The following SPIRE2 variants were observed in gnomAD, a reference collection of about 807,000 sequenced individuals.
The protein encoded by SPIRE2 is protein spire homolog 2.
A neutral mutation model predicts 80.7 loss-of-function variants in SPIRE2; 76 were observed. The observed-to-expected ratio is 0.94, with a 90% CI of 0.78 to 1.14. The LOEUF (loss-of-function observed/expected upper bound fraction) is 1.14, where lower values mean the gene tolerates loss of function less well. SPIRE2 is among the 50% of genes most tolerant of loss of function. The probability of loss-of-function intolerance (pLI) is 0.00; values close to 1 mark genes in which losing one functional copy is unlikely to be tolerated. For missense variants in SPIRE2, 1,196 were observed against 1,015.3 expected, an observed-to-expected ratio of 1.18 and a Z score of -2.42; for synonymous variants, 535 against 432.6, an observed-to-expected ratio of 1.24 and a Z score of -2.94.
intron 12 of SPIRE2, among the ~76,000 whole-genome samples, chr16:89,866,830 C>T (rs756174263): frequency 2.0e-5 from 3 of 151,472 alleles, no homozygotes; most frequent in Non-Finnish European, 2.9e-5. Flanking sequence ...AGGATGGTCT[C>T]GATCTCCTGA....
chr16:89,850,739 G>A, intron 3 of SPIRE2, 79 bp downstream of exon 3: 2 of 1,093,282 alleles, frequency 1.8e-6, no homozygotes, highest in South Asian at 3.4e-5. Flanking sequence ...GACTGGCAAG[G>A]ACGTCTCTTC....
In SPIRE2 at chr16:89,829,027, C is replaced by T. The variant is rs545626251; in HGVS notation, c.244+233C>T. Among the ~76,000 whole-genome samples, 80 of 152,312 alleles carry T rather than the reference C, an allele frequency of 5.3e-4. 1 individual carries two copies. In the East Asian group the frequency reaches 0.015, roughly 28 times the overall value. Reference sequence around the variant, plus strand: ...CCTCCCCGGCCCTGGACGTTCCCCTCCCGGACCCCCCCACCTGACGCCTCT... The same window carrying T: ...CCTCCCCGGCCCTGGACGTTCCCCTTCCGGACCCCCCCACCTGACGCCTCT... On this transcript the variant is annotated intron_variant, in intron 1 of 14. Transcript: ENST00000378247.
At chr16:89,844,330 G>A (rs2041536438) in intron 1 of SPIRE2, among the ~76,000 whole-genome samples, 1 of 151,934 alleles carries the variant, frequency 6.6e-6, no homozygotes, top group African/African-American at 2.4e-5. Flanking sequence ...CACTATGCCT[G>A]GCTCATTTTT....
intron 1 of SPIRE2, among the ~76,000 whole-genome samples, chr16:89,843,979 G>T (rs1055844466): frequency 2.7e-4 from 40 of 148,774 alleles, no homozygotes; most frequent in African/African-American, 9.7e-4. Flanking sequence ...GAGATTACAG[G>T]CATGAGCTGC....
chr16:89,869,596 C>T lies in SPIRE2; in HGVS notation c.1836C>T (p.His612=), dbSNP rs766464960. ...AGATGCCTTCTAAGAAATTTGGACA[C>T]ATCCCTGTCTACACACTGGGCTTTG... is the stretch of plus-strand genomic sequence containing the variant. ...KMKMPSKKFG[H]IPVYTLGFES... is the part of the protein sequence containing the mutation. Residue 612 remains histidine, a synonymous_variant, in exon 14 of 15, where the codon CAC becomes CAT. Coordinates refer to ENST00000378247, the MANE Select transcript of SPIRE2 (RefSeq NM_032451.2). 1 of 1,613,916 alleles carries T rather than the reference C, an allele frequency of 6.2e-7. No homozygotes were observed. Among genetic ancestry groups the T allele is most frequent in the African/African-American group, 1.3e-5 (1 of 74,920 alleles).
chr16:89,863,662 G>T lies in SPIRE2; in HGVS notation c.1710+52G>T. On this transcript the variant is annotated intron_variant, in intron 11 of 14. Coordinates refer to ENST00000378247, the MANE Select transcript of SPIRE2 (RefSeq NM_032451.2). The surrounding 1 kb of genome is among the most constrained non-coding windows in gnomAD (Gnocchi z 4.3). ...GCTCTTGCCCGCTGGGTCAGGGGCG[G>T]GTGCCGAGAGGGCCAGTTCCCAGGA... 6.2e-7 allele frequency: 1 copy of T among 1,613,486 alleles called. No homozygotes were observed. Among genetic ancestry groups the T allele is most frequent in the Non-Finnish European group, 8.5e-7 (1 of 1,179,634 alleles).
intron 12 of SPIRE2, among the ~76,000 whole-genome samples, chr16:89,866,916 T>G (rs55749251): frequency 0.21 from 31,362 of 152,048 alleles, 4,178 homozygotes; most frequent in East Asian, 0.63. Flanking sequence ...GCCTTGAATT[T>G]TTTATAAGAA....
rs933718724 is a variant in SPIRE2, at chr16:89,831,790, C to T, written c.244+2996C>T. Among the ~76,000 whole-genome samples the T allele has an allele frequency of 4.6e-4, 70 of 151,372 alleles. 2 individuals are homozygous for T. Among genetic ancestry groups the T allele is most frequent in the Middle Eastern group, 3.4e-3 (1 of 294 alleles). ...CAGGTATCCCCCGCCCTTTCTCCTG[C>T]CCCTCCCCCTTCTGCCCGGCTCTCA... is the stretch of plus-strand genomic sequence containing the variant. On this transcript the variant is annotated intron_variant, in intron 1 of 14. Coordinates refer to ENST00000378247, the MANE Select transcript of SPIRE2 (RefSeq NM_032451.2).
chr16:89,850,760 A>G, intron 3 of SPIRE2, 100 bp downstream of exon 3: 1 of 892,380 alleles, frequency 1.1e-6, no homozygotes, highest in South Asian at 1.9e-5. Flanking sequence ...GTGGACAGAA[A>G]GTCAGGTCGT....
Position 89,850,574 on chromosome 16 carries a change from G to T in SPIRE2, c.559G>T (p.Ala187Ser), listed in dbSNP as rs369189990. The T allele has an allele frequency of 6.6e-7, 1 of 1,517,364 alleles. No individual in the cohort carries two copies. The highest frequency in any genetic ancestry group is 8.8e-7 in the Non-Finnish European group (1 of 1,137,586). The allele number at this position is 1,517,364 out of a possible 1,614,324, so 94.0% of individuals were successfully genotyped here. A position where few individuals can be genotyped will look rare whatever the true frequency, so the allele number is the denominator to read the frequency against. Residue 187 changes from alanine to serine, a missense_variant, in exon 3 of 15, where the codon GCG becomes TCG. Transcript: ENST00000378247. Reference protein sequence around the residue: ...ARLTDPRGAQAHYQAVCRALF... With the variant: ...ARLTDPRGAQSHYQAVCRALF... ...GCTGACCGACCCCCGGGGCGCACAG[G>T]CGCATTACCAGGCCGTGTGCCGCGC...
Position 89,828,510 on chromosome 16 carries a change from G to T in SPIRE2, c.-41G>T. 6.9e-6 allele frequency: 7 copies of T among 1,018,598 alleles called. No homozygotes were observed. The highest frequency in any genetic ancestry group is 8.2e-6 in the Non-Finnish European group (7 of 853,372). 63.1% of individuals were successfully genotyped at this position (1,018,598 alleles called of 1,614,324 possible). On this transcript the variant is annotated 5_prime_UTR_variant, in exon 1 of 15. An upstream start codon of the reference 5' UTR is lost. Coordinates refer to ENST00000378247, the MANE Select transcript of SPIRE2 (RefSeq NM_032451.2). The surrounding 1 kb of genome is among the most constrained non-coding windows in gnomAD (Gnocchi z 5.9). ...TGCGCGGCGGAAGGCGCGGCTGCAT[G>T]GACGCGGGTCCGGCGCGCGGGAGGC...
chr16:89,841,029 G>T (rs1034691185), intron 1 of SPIRE2, among the ~76,000 whole-genome samples: 6 of 151,842 alleles, frequency 4.0e-5, no homozygotes, highest in African/African-American at 1.2e-4. Context: ...TTACACAAAA[G>T]AAATCTGAGT....
chr16:89,850,187 T>C (rs1597215617), intron 2 of SPIRE2, 117 bp from the exon 3 acceptor site: 1 of 856,136 alleles, frequency 1.2e-6, no homozygotes, highest in Non-Finnish European at 1.9e-6. Flanking sequence ...TGGTCTCTTG[T>C]GGACCGACAG....
intron 1 of SPIRE2, among the ~76,000 whole-genome samples, chr16:89,837,671 GCCTCCCGGACTCGGGTCTCCGCACGCA>G (rs533723452): frequency 2.2e-3 from 342 of 152,238 alleles, no homozygotes; most frequent in Admixed American, 3.5e-3. Context: ...GCCAACACAC[GCCTCCCGGACTCGGGTCTCCGCACGCA>G]CCTCCCGGAC....
intron 3 of SPIRE2, among the ~76,000 whole-genome samples, chr16:89,853,838 T>C (rs2041660852): frequency 6.6e-6 from 1 of 152,210 alleles, no homozygotes; most frequent in African/African-American, 2.4e-5. Context: ...CATGTCTGTT[T>C]CCCTGGACTT....
At chr16:89,829,894 G>A (rs1269269096) in intron 1 of SPIRE2, among the ~76,000 whole-genome samples, 1 of 151,392 alleles carries the variant, frequency 6.6e-6, no homozygotes, top group African/African-American at 2.4e-5. Flanking sequence ...GCCCACTGCC[G>A]CCCAGAGGGT....
chr16:89,839,038 G>A (rs1382682572), intron 1 of SPIRE2, among the ~76,000 whole-genome samples: 1 of 150,954 alleles, frequency 6.6e-6, no homozygotes, highest in Non-Finnish European at 1.5e-5. Flanking sequence ...TCTGTGTTTC[G>A]AGTGTTAAAC....
chr16:89,836,052 G>A (rs1046732083), intron 1 of SPIRE2, among the ~76,000 whole-genome samples: 5 of 152,130 alleles, frequency 3.3e-5, no homozygotes, highest in South Asian at 2.1e-4. Context: ...GCGGGCGTCT[G>A]TAGTCCCAGT....
At chr16:89,850,726 G>T in intron 3 of SPIRE2, 66 bp downstream of exon 3, 1 of 1,143,708 alleles carries the variant, frequency 8.7e-7, no homozygotes, top group Non-Finnish European at 1.2e-6. Flanking sequence ...GTGGGTGGGA[G>T]GGGACTGGCA....
Sources: gnomAD v4.1 joint callset for allele counts (sites outside exome capture counted in the v4.1 genomes callset) on GRCh38, gnomAD v4.1.1 for gene constraint, Gnocchi (gnomAD v3.1) non-coding constraint, MANE v1.5 for transcripts, NCBI Gene and HGNC (gene_info 2026-07-23, HGNC 2026-07-21) for gene names.